CHN1: variants seen among roughly 807,000 people sequenced by gnomAD.
CHN1 encodes chimerin 1.
Under a neutral mutation model 59.5 loss-of-function variants are expected in CHN1, and 37 were observed. The observed-to-expected ratio is 0.62, with a 90% CI of 0.48 to 0.82. CHN1 has a LOEUF of 0.82. CHN1 is among the 40% of genes least tolerant of loss of function. The pLI is 0.00. For missense variants in CHN1, 469 were observed against 571.0 expected, an observed-to-expected ratio of 0.82 and a Z score of 1.82; for synonymous variants, 206 against 200.4, an observed-to-expected ratio of 1.03 and a Z score of -0.24.
chr2:174,918,242 C>T (rs1205340464), intron 4 of CHN1, among the ~76,000 whole-genome samples: 2 of 152,058 alleles, frequency 1.3e-5, no homozygotes, highest in Non-Finnish European at 2.9e-5. Flanking sequence ...TATATATGTA[C>T]ACAAAAACAC....
intron 8 of CHN1, among the ~76,000 whole-genome samples, chr2:174,814,733 T>C (rs953965607): frequency 2.0e-5 from 3 of 152,154 alleles, no homozygotes; most frequent in African/African-American, 4.8e-5. Flanking sequence ...TACCTCAAGG[T>C]TGTCAATCAG....
At chr2:174,821,241 C>G (rs1306299062) in intron 8 of CHN1, among the ~76,000 whole-genome samples, 3 of 152,182 alleles carry the variant, frequency 2.0e-5, no homozygotes, top group African/African-American at 7.2e-5. Flanking sequence ...GGAGAATCCA[C>G]TTCTTTCCTT....
chr2:174,969,611 C>T (rs1375830146), intron 1 of CHN1, among the ~76,000 whole-genome samples: 3 of 152,164 alleles, frequency 2.0e-5, no homozygotes, highest in Non-Finnish European at 4.4e-5. Flanking sequence ...CTATAGTTTG[C>T]TCCGTCACCT....
At chr2:174,984,224 A>G (rs1199426046) in intron 1 of CHN1, among the ~76,000 whole-genome samples, 2 of 152,126 alleles carry the variant, frequency 1.3e-5, no homozygotes, top group Non-Finnish European at 2.9e-5. Flanking sequence ...TCTGTGTGCT[A>G]TGTGTATATC....
intron 6 of CHN1, among the ~76,000 whole-genome samples, chr2:174,852,906 G>A (rs1484865209): frequency 1.3e-5 from 2 of 152,186 alleles, no homozygotes; most frequent in East Asian, 3.8e-4. Flanking sequence ...GTCATATGCA[G>A]AAGAATGAAA....
chr2:174,822,697 CT>C (rs1205130490), intron 8 of CHN1, among the ~76,000 whole-genome samples: 1 of 152,220 alleles, frequency 6.6e-6, no homozygotes, highest in Admixed American at 6.5e-5. Context: ...CTTTGTGAAA[CT>C]GCAATGCACA....
intron 2 of CHN1, among the ~76,000 whole-genome samples, chr2:174,947,383 AT>A: frequency 6.6e-6 from 1 of 152,292 alleles, no homozygotes; most frequent in South Asian, 2.1e-4. Flanking sequence ...GTCTCAAAGG[AT>A]AAAGCTCTGT....
chr2:175,005,206 C>T lies in CHN1; in HGVS notation c.-294G>A. 2 of 1,224,488 alleles carry T rather than the reference C, an allele frequency of 1.6e-6. No individual in the cohort carries two copies. Among genetic ancestry groups the T allele is most frequent in the Non-Finnish European group, 2.0e-6 (2 of 978,916 alleles). 75.9% of individuals were successfully genotyped at this position (1,224,488 alleles called of 1,614,324 possible). ...GGAGCGTGCGCGCGGGAGGAGGTACCTGCGAGGCAGGAGGCTTGGCCGCGG... is the reference window on the plus strand; with the variant it reads ...GGAGCGTGCGCGCGGGAGGAGGTACTTGCGAGGCAGGAGGCTTGGCCGCGG... On this transcript the variant is annotated 5_prime_UTR_variant, in exon 1 of 13. Coordinates refer to ENST00000409900, the MANE Select transcript of CHN1 (RefSeq NM_001822.7).
chr2:174,874,905 C>T (rs1162315645), intron 6 of CHN1, among the ~76,000 whole-genome samples: 1 of 120,276 alleles, frequency 8.3e-6, no homozygotes, highest in African/African-American at 3.2e-5. Flanking sequence ...CGAAGTTTCA[C>T]TCTTGTTGCC....
At chr2:174,846,185 A>G in intron 7 of CHN1, 1 of 1,259,128 alleles carries the variant, frequency 7.9e-7, no homozygotes, top group Non-Finnish European at 1.0e-6. Context: ...TCAAGGCCTT[A>G]TATCATGCTA....
Position 174,824,424 on chromosome 2 carries a change from G to A in CHN1, c.712+10C>T. On this transcript the variant is annotated intron_variant, in intron 8 of 12. Transcript: ENST00000409900. ...CTGACTCAATCCAGAGACAAGACAA[G>A]AGCTCTTACCTGCACATTTCACTCC... 1 of 1,589,670 alleles carries A rather than the reference G, an allele frequency of 6.3e-7. No individual in the cohort carries two copies. The highest frequency in any genetic ancestry group is 8.6e-7 in the Non-Finnish European group (1 of 1,166,846).
chr2:174,979,624 C>A (rs1691072204), intron 1 of CHN1, among the ~76,000 whole-genome samples: 1 of 152,070 alleles, frequency 6.6e-6, no homozygotes, highest in Admixed American at 6.6e-5. Context: ...ACCATCCTGG[C>A]CAACACGGTG....
At chr2:174,812,044 G>A in intron 9 of CHN1, 1 of 342,042 alleles carries the variant, frequency 2.9e-6, no homozygotes, top group South Asian at 1.4e-4. Context: ...GTCTTTACCT[G>A]TCAACTTTTG....
intron 5 of CHN1, among the ~76,000 whole-genome samples, chr2:174,903,140 A>G (rs1302988658): frequency 6.6e-6 from 1 of 152,194 alleles, no homozygotes; most frequent in East Asian, 1.9e-4. Flanking sequence ...CATTTACAGA[A>G]CACAGATGAG....
intron 6 of CHN1, 134 bp from the exon 7 acceptor site, chr2:174,847,091 C>A (rs1342163560): frequency 6.4e-7 from 1 of 1,551,640 alleles, no homozygotes; most frequent in Non-Finnish European, 8.7e-7. Flanking sequence ...AACTGCAGCC[C>A]TATTAGTTTT....
intron 1 of CHN1, among the ~76,000 whole-genome samples, chr2:174,955,503 G>A (rs1690178458): frequency 6.6e-6 from 1 of 151,920 alleles, no homozygotes; most frequent in African/African-American, 2.4e-5. Flanking sequence ...TGGACGGGGA[G>A]AGGAATAAAA....
At chr2:174,830,259 A>G (rs2105410062) in intron 7 of CHN1, among the ~76,000 whole-genome samples, 1 of 152,220 alleles carries the variant, frequency 6.6e-6, no homozygotes, top group African/African-American at 2.4e-5. Context: ...TAAAAAAATC[A>G]TACCCTAATT....
chr2:174,874,028 G>A (rs1255188487), intron 6 of CHN1, among the ~76,000 whole-genome samples: 1 of 152,144 alleles, frequency 6.6e-6, no homozygotes, highest in African/African-American at 2.4e-5. Context: ...CAGAGATCTG[G>A]CTCACAGTAT....
chr2:174,887,837 C>T (rs535851091), intron 5 of CHN1, among the ~76,000 whole-genome samples: 1 of 152,226 alleles, frequency 6.6e-6, no homozygotes, highest in South Asian at 2.1e-4. Flanking sequence ...CACAGAAAAG[C>T]GTTCTAAGTC....
Sources: allele counts gnomAD v4.1 joint callset (sites outside exome capture counted in the v4.1 genomes callset), GRCh38; gene constraint gnomAD v4.1.1; transcripts MANE v1.5; gene names NCBI Gene and HGNC (gene_info 2026-07-23, HGNC 2026-07-21).